The following GYG1 variants were observed in gnomAD, a reference collection of about 807,000 sequenced individuals.
The protein encoded by GYG1 is glycogenin 1.
In GYG1, 44 loss-of-function variants were observed where a neutral mutation model predicts 41.9. The ratio of observed to expected loss-of-function variants is 1.05; its 90% CI spans 0.83 to 1.35. The LOEUF (loss-of-function observed/expected upper bound fraction) is 1.35, where lower values mean the gene tolerates loss of function less well. GYG1 is among the 40% of genes most tolerant of loss of function. The probability of loss-of-function intolerance (pLI) is 0.00; values close to 1 mark genes in which losing one functional copy is unlikely to be tolerated. For missense variants in GYG1, 429 were observed against 418.9 expected, an observed-to-expected ratio of 1.02 and a Z score of -0.21; for synonymous variants, 141 against 158.1, an observed-to-expected ratio of 0.89 and a Z score of 0.81.
intron 5 of GYG1, among the ~76,000 whole-genome samples, chr3:149,011,129 C>T (rs1713699504): frequency 6.6e-6 from 1 of 152,138 alleles, no homozygotes; most frequent in South Asian, 2.1e-4. Flanking sequence ...GACTCTTAAA[C>T]ACACCAACTG....
chr3:148,999,980 G>C (rs891569218), intron 4 of GYG1, among the ~76,000 whole-genome samples: 6 of 152,294 alleles, frequency 3.9e-5, no homozygotes, highest in Non-Finnish European at 8.8e-5. Flanking sequence ...TCAGAAACTG[G>C]TGGGGCCTGA....
chr3:149,009,173 A>C, intron 4 of GYG1, 103 bp from the exon 5 acceptor site: 1 of 943,978 alleles, frequency 1.1e-6, no homozygotes, highest in Non-Finnish European at 1.6e-6. Flanking sequence ...AAAAAAAAAA[A>C]ATGGAATTAG....
At chr3:149,001,246 T>G (rs534764913) in intron 4 of GYG1, 1 of 152,316 alleles carries the variant, frequency 6.6e-6, no homozygotes, top group Admixed American at 6.5e-5. Context: ...CTAGGCTGCC[T>G]GTTCTAGTAA....
rs1559848301 is a variant in GYG1 at position 149,030,786 on chromosome 3, G to A, written c.*3853G>A. 6.6e-6 allele frequency: 1 copy of A among 152,162 alleles called. No individual in the cohort carries two copies. Among genetic ancestry groups the A allele is most frequent in the Non-Finnish European group, 1.5e-5 (1 of 68,040 alleles). 9.4% of individuals were successfully genotyped at this position (152,162 alleles called of 1,614,324 possible). ...TGCTACTGCCTCAAAAAGGGACCAG[G>A]AAGATTCTAGCTGGCTAATTCACTG... On this transcript the variant is annotated 3_prime_UTR_variant, in exon 8 of 8. Transcript: ENST00000345003.
chr3:149,004,507 A>G (rs1713286750), intron 4 of GYG1, among the ~76,000 whole-genome samples: 1 of 152,204 alleles, frequency 6.6e-6, no homozygotes, highest in Admixed American at 6.5e-5. Flanking sequence ...ACGTTAAAAC[A>G]TTTGCCTGAC....
chr3:149,016,185 C>CAGG (rs1429771881), intron 5 of GYG1, among the ~76,000 whole-genome samples: 1 of 141,732 alleles, frequency 7.1e-6, no homozygotes, highest in African/African-American at 2.7e-5. Flanking sequence ...GGCGTGAACC[C>CAGG]AGGAGGTGGA....
chr3:149,026,802 A>T lies in GYG1; in HGVS notation c.922A>T (p.Ile308Phe), dbSNP rs1184493368. Residue 308 changes from isoleucine to phenylalanine, a missense_variant, in exon 8 of 8, where the codon ATC becomes TTC. Physicochemically the swap from Ile to Phe is conservative, Grantham distance 21. Coordinates refer to ENST00000345003, the MANE Select transcript of GYG1 (RefSeq NM_004130.4). ...GAISHLSLGEIPAMAQPFVSS... is the reference protein window; with the variant it reads ...GAISHLSLGEFPAMAQPFVSS... The stretch of plus-strand genomic sequence containing the variant: ...CATATCACATCTGTCCCTTGGGGAG[A>T]TCCCAGCTATGGCACAGCCGTTTGT... 1.2e-6 allele frequency: 2 copies of T among 1,613,870 alleles called. No individual in the cohort carries two copies. The highest frequency in any genetic ancestry group is 1.7e-6 in the Non-Finnish European group (2 of 1,179,792).
chr3:148,991,749 A>T, intron 1 of GYG1, 102 bp downstream of exon 1: 2 of 985,468 alleles, frequency 2.0e-6, no homozygotes, highest in Non-Finnish European at 2.9e-6. Context: ...TGTTCCCGGC[A>T]GGACGAAACC....
At chr3:149,016,513 T>G (rs13076603) in intron 5 of GYG1, among the ~76,000 whole-genome samples, 4,077 of 152,214 alleles carry the variant, frequency 0.027, 71 homozygotes, top group South Asian at 0.053. Flanking sequence ...GCCTAGAAGA[T>G]AATGTTGTTG....
chr3:149,024,222 CT>C lies in GYG1; in HGVS notation c.779del (p.Leu260ArgfsTer15). On this transcript the variant is annotated frameshift_variant, in exon 6 of 8. Coordinates refer to ENST00000345003, the MANE Select transcript of GYG1 (RefSeq NM_004130.4). LOFTEE classifies it high-confidence loss of function. ...WNIFTTNVLP[L>X]LQQFGLVKDT... is the part of the protein sequence containing the mutation. ...CATCTTTACCACCAACGTTTTACCT[CT>C]GCTTCAACAATTTGGCCTTGTCAAA... 1 of 1,613,946 alleles carries C rather than the reference CT, an allele frequency of 6.2e-7. No individual in the cohort carries two copies. Among genetic ancestry groups the C allele is most frequent in the Non-Finnish European group, 8.5e-7 (1 of 1,179,794 alleles).
chr3:149,021,883 C>G (rs1714390075), intron 5 of GYG1, among the ~76,000 whole-genome samples: 1 of 151,908 alleles, frequency 6.6e-6, no homozygotes, highest in South Asian at 2.1e-4. Flanking sequence ...TGAAATCTAA[C>G]ACTTGAGCCC....
chr3:149,014,790 C>G (rs914167684), intron 5 of GYG1, among the ~76,000 whole-genome samples: 3 of 151,054 alleles, frequency 2.0e-5, no homozygotes, highest in African/African-American at 7.3e-5. Context: ...ATGGCTTGAA[C>G]CAGGGAGGCA....
intron 5 of GYG1, among the ~76,000 whole-genome samples, chr3:149,010,786 T>TCCTGAGACAGTTGTGAGCA (rs1713681552): frequency 6.6e-6 from 1 of 152,216 alleles, no homozygotes; most frequent in African/African-American, 2.4e-5. Context: ...GTCAGGTCGA[T>TCCTGAGACAGTTGTGAGCA]CCTGAGACAG....
At chr3:148,991,895 C>T (rs1712496578) in intron 1 of GYG1, among the ~76,000 whole-genome samples, 1 of 152,230 alleles carries the variant, frequency 6.6e-6, no homozygotes, top group Admixed American at 6.5e-5. Flanking sequence ...GTTCCTGCTT[C>T]CGTCTCCTCG....
intron 4 of GYG1, among the ~76,000 whole-genome samples, 177 bp downstream of exon 4, chr3:148,997,081 T>TAA (rs1712846098): frequency 1.4e-5 from 2 of 146,804 alleles, no homozygotes; most frequent in Admixed American, 6.8e-5. Context: ...TGTGTGTGTG[T>TAA]GTAAATGCAT....
intron 4 of GYG1, among the ~76,000 whole-genome samples, chr3:149,003,679 G>A (rs529148698): frequency 1.3e-5 from 2 of 152,120 alleles, no homozygotes; most frequent in Non-Finnish European, 2.9e-5. Context: ...TAGGTCTGGG[G>A]TGGGGCTCAA....
Position 149,027,946 on chromosome 3 carries a change from A to G in GYG1, c.*1013A>G, listed in dbSNP as rs949949902. Among the ~76,000 whole-genome samples the G allele has an allele frequency of 3.3e-5, 5 of 152,240 alleles. No homozygotes were observed. The highest frequency in any genetic ancestry group is 1.2e-4 in the African/African-American group (5 of 41,462). On this transcript the variant is annotated 3_prime_UTR_variant, in exon 8 of 8. Transcript: ENST00000345003. ...AAGTCATTCCTAACTGTCAGAATCAATACTGGGTCCAGTCCCTACTAGTAT... is the reference window on the plus strand; with the variant it reads ...AAGTCATTCCTAACTGTCAGAATCAGTACTGGGTCCAGTCCCTACTAGTAT...
In GYG1 at chr3:149,028,646, C is replaced by CT. The variant is rs1256681997; in HGVS notation, c.*1714dup. On this transcript the variant is annotated 3_prime_UTR_variant, in exon 8 of 8. Transcript: ENST00000345003. ...TTTTCTATTTACTACCGTTCATTCT[C>CT]TATTTTTTACACAGTAGCATAACAA... is the stretch of plus-strand genomic sequence containing the variant. Among the ~76,000 whole-genome samples, 2 of 150,802 alleles carry CT rather than the reference C, an allele frequency of 1.3e-5. No homozygotes were observed. The highest frequency in any genetic ancestry group is 2.4e-5 in the African/African-American group (1 of 40,994).
intron 4 of GYG1, among the ~76,000 whole-genome samples, chr3:148,998,569 C>A (rs1323226613): frequency 1.3e-5 from 2 of 152,188 alleles, no homozygotes; most frequent in East Asian, 1.9e-4. Context: ...ATGGCAGCAT[C>A]TAACAAGAAG....
Sources: allele counts gnomAD v4.1 joint callset (sites outside exome capture counted in the v4.1 genomes callset), GRCh38; gene constraint gnomAD v4.1.1; transcripts MANE v1.5; gene names NCBI Gene and HGNC (gene_info 2026-07-23, HGNC 2026-07-21).